ADAMTS3: variants seen among roughly 807,000 people sequenced by gnomAD.
ADAMTS3 encodes the protein A disintegrin and metalloproteinase with thrombospondin motifs 3.
In ADAMTS3, 73 loss-of-function variants were observed where a neutral mutation model predicts 129.0. That is an observed-to-expected ratio of 0.57 (90% CI 0.47 to 0.69). ADAMTS3 has a LOEUF of 0.69. Among genes scored for constraint, ADAMTS3 ranks in the 30% least tolerant of loss-of-function variants. The pLI is 0.00. For synonymous variants in ADAMTS3, 477 were observed against 510.8 expected, an observed-to-expected ratio of 0.93 and a Z score of 0.89; for missense variants, 1,457 against 1,514.5, an observed-to-expected ratio of 0.96 and a Z score of 0.63.
chr4:72,458,584 TTGAA>T (rs1385152606), intron 3 of ADAMTS3, among the ~76,000 whole-genome samples: 1 of 151,530 alleles, frequency 6.6e-6, no homozygotes, highest in African/African-American at 2.4e-5. Context: ...TTTTAGATAC[TTGAA>T]TGAATGGTGA....
chr4:72,386,826 C>A lies in ADAMTS3; in HGVS notation c.661+27989G>T, dbSNP rs1179364071. On this transcript the variant is annotated intron_variant, in intron 4 of 21. Coordinates refer to ENST00000286657, the MANE Select transcript of ADAMTS3 (RefSeq NM_014243.3). ...ATCAAAGATAATCAAGGCTTTAACA[C>A]ACTGTGATGTTTTTAAGGGTTCATA... is the stretch of plus-strand genomic sequence containing the variant. Among the ~76,000 whole-genome samples, 3 of 152,264 alleles carry A rather than the reference C, an allele frequency of 2.0e-5. No homozygotes were observed. In the East Asian group the frequency reaches 5.8e-4, roughly 29 times the overall value.
In ADAMTS3 at chr4:72,568,819, A is replaced by G. The variant is rs73825797; in HGVS notation, c.-57T>C. 4.6e-5 allele frequency: 23 copies of G among 495,322 alleles called. 3 individuals are homozygous for G. Among genetic ancestry groups the G allele is most frequent in the Middle Eastern group, 5.7e-4 (1 of 1,760 alleles). 30.7% of individuals were successfully genotyped at this position (495,322 alleles called of 1,614,324 possible). On this transcript the variant is annotated 5_prime_UTR_variant, in exon 1 of 22. Transcript: ENST00000286657. The stretch of plus-strand genomic sequence containing the variant: ...CAAAGCAAATGCCCAGAGCAAACCC[A>G]CCCCCCCCGCCCAAAATAAGTTTCT...
chr4:72,532,046 T>C (rs1721057009), intron 3 of ADAMTS3, among the ~76,000 whole-genome samples: 2 of 141,850 alleles, frequency 1.4e-5, no homozygotes, highest in African/African-American at 5.2e-5. Context: ...CCAGACAGTA[T>C]TACAGACAAA....
chr4:72,527,030 A>G (rs1397288988), intron 3 of ADAMTS3, among the ~76,000 whole-genome samples: 1 of 152,058 alleles, frequency 6.6e-6, no homozygotes, highest in Admixed American at 6.6e-5. Flanking sequence ...TTGGAACACA[A>G]TAGTTAGTAT....
At chr4:72,461,753 A>C (rs1268298793) in intron 3 of ADAMTS3, among the ~76,000 whole-genome samples, 1 of 151,850 alleles carries the variant, frequency 6.6e-6, no homozygotes, top group Non-Finnish European at 1.5e-5. Flanking sequence ...TAACTTAATT[A>C]TTTCATTTAC....
chr4:72,545,552 G>A (rs1379296084), intron 3 of ADAMTS3, among the ~76,000 whole-genome samples: 1 of 152,150 alleles, frequency 6.6e-6, no homozygotes, highest in Non-Finnish European at 1.5e-5. Context: ...GGAAATTAAA[G>A]GATATAAGAG....
chr4:72,421,220 C>A (rs1371801850), intron 3 of ADAMTS3, among the ~76,000 whole-genome samples: 2 of 152,224 alleles, frequency 1.3e-5, no homozygotes, highest in Admixed American at 6.5e-5. Context: ...GCCACATGGT[C>A]CTAGTCCCAC....
intron 3 of ADAMTS3, among the ~76,000 whole-genome samples, chr4:72,503,324 A>G (rs559093738): frequency 1.5e-4 from 23 of 152,160 alleles, no homozygotes; most frequent in Middle Eastern, 3.2e-3. Context: ...CCCAGCCTTG[A>G]CAGTATTTGT....
chr4:72,409,981 A>C (rs901537493), intron 4 of ADAMTS3, among the ~76,000 whole-genome samples: 3 of 80,118 alleles, frequency 3.7e-5, no homozygotes, highest in Non-Finnish European at 9.0e-5. Flanking sequence ...AATGATTGCT[A>C]CTTGATCTTA....
At chr4:72,486,409 T>C (rs1436818550) in intron 3 of ADAMTS3, among the ~76,000 whole-genome samples, 2 of 152,200 alleles carry the variant, frequency 1.3e-5, no homozygotes, top group Non-Finnish European at 2.9e-5. Context: ...CAGAGAGGCC[T>C]ATCTGGCTCC....
intron 3 of ADAMTS3, among the ~76,000 whole-genome samples, chr4:72,477,356 G>A (rs1719267838): frequency 6.6e-6 from 1 of 152,118 alleles, no homozygotes; most frequent in South Asian, 2.1e-4. Flanking sequence ...AGACCACAGT[G>A]CAATCAAACT....
chr4:72,539,601 T>C (rs1721271525), intron 3 of ADAMTS3, among the ~76,000 whole-genome samples: 2 of 151,970 alleles, frequency 1.3e-5, no homozygotes, highest in Non-Finnish European at 2.9e-5. Context: ...TAGCTACTTA[T>C]ATGGTCTGGC....
At chr4:72,291,287 C>T (rs1472477682) in intron 19 of ADAMTS3, among the ~76,000 whole-genome samples, 1 of 152,036 alleles carries the variant, frequency 6.6e-6, no homozygotes, top group Non-Finnish European at 1.5e-5. Flanking sequence ...TTTTAGGGTA[C>T]ATGTGCACAA....
At position 72,374,830 on chromosome 4, in the gene ADAMTS3, T is replaced by C. The variant is rs1457877356; in HGVS notation, c.662-35137A>G. Among the ~76,000 whole-genome samples, 13 of 152,312 alleles carry C rather than the reference T, an allele frequency of 8.5e-5. 1 individual carries two copies. In the South Asian group the frequency reaches 2.3e-3, roughly 27 times the overall value. Reference sequence around the variant, plus strand: ...TAGCAAAGAAATACTCTTAACACCTTTAATTCTAGTGACTATAATCATTTA... The same window carrying C: ...TAGCAAAGAAATACTCTTAACACCTCTAATTCTAGTGACTATAATCATTTA... On this transcript the variant is annotated intron_variant, in intron 4 of 21. Transcript: ENST00000286657.
At chr4:72,340,335 GTGTA>G (rs1295333617) in intron 4 of ADAMTS3, among the ~76,000 whole-genome samples, 271 of 147,172 alleles carry the variant, frequency 1.8e-3, no homozygotes, top group African/African-American at 6.3e-3. Flanking sequence ...GTGTGTGTGT[GTGTA>G]TGTGTATGTG....
chr4:72,528,177 A>G (rs1466012723), intron 3 of ADAMTS3, among the ~76,000 whole-genome samples: 3 of 151,990 alleles, frequency 2.0e-5, no homozygotes, highest in Admixed American at 2.0e-4. Flanking sequence ...TAATTCCAAG[A>G]ATATTTTTAT....
intron 2 of ADAMTS3, among the ~76,000 whole-genome samples, chr4:72,550,898 C>T (rs566277243): frequency 3.6e-4 from 55 of 152,242 alleles, no homozygotes; most frequent in Admixed American, 3.6e-3. Context: ...ACAAAGAACT[C>T]CCCATTCAAC....
chr4:72,348,642 C>T (rs1158992692), intron 4 of ADAMTS3, among the ~76,000 whole-genome samples: 1 of 151,974 alleles, frequency 6.6e-6, no homozygotes, highest in Non-Finnish European at 1.5e-5. Flanking sequence ...TGGGCCTGAT[C>T]TAACTTCATG....
At chr4:72,302,690 G>A (rs934354001) in intron 17 of ADAMTS3, among the ~76,000 whole-genome samples, 3 of 151,868 alleles carry the variant, frequency 2.0e-5, no homozygotes, top group South Asian at 2.1e-4. Flanking sequence ...CAAAGAACAC[G>A]GTAAACTGAG....
Sources: allele counts gnomAD v4.1 joint callset (sites outside exome capture counted in the v4.1 genomes callset), GRCh38; gene constraint gnomAD v4.1.1; transcripts MANE v1.5; gene names NCBI Gene and HGNC (gene_info 2026-07-23, HGNC 2026-07-21).